Variants in NTM observed in about 807,000 individuals in gnomAD.
NTM encodes neurotrimin.
Under a neutral mutation model 42.1 loss-of-function variants are expected in NTM, and 13 were observed. The ratio of observed to expected loss-of-function variants is 0.31; its 90% CI spans 0.20 to 0.49. The LOEUF (loss-of-function observed/expected upper bound fraction) is 0.49. Among genes scored for constraint, NTM ranks in the 20% least tolerant of loss-of-function variants. The pLI is 0.99. For synonymous variants in NTM, 187 were observed against 179.2 expected (o/e 1.04, Z -0.35); for missense variants, 373 against 452.8 (o/e 0.82, Z 1.60).
At chr11:132,091,707 C>T (rs1277961936) in intron 2 of NTM, among the ~76,000 whole-genome samples, 1 of 152,076 alleles carries the variant, frequency 6.6e-6, no homozygotes, top group Admixed American at 6.5e-5. Context: ...ATCTTGAACT[C>T]CTGGGCTCAA....
chr11:131,839,417 G>A (rs1333106227), intron 1 of NTM, among the ~76,000 whole-genome samples: 1 of 152,186 alleles, frequency 6.6e-6, no homozygotes, highest in Non-Finnish European at 1.5e-5. Flanking sequence ...TGAAGGAGAT[G>A]AGGAAATGAG....
At chr11:131,718,255 A>G (rs935789593) in intron 1 of NTM, among the ~76,000 whole-genome samples, 1 of 151,980 alleles carries the variant, frequency 6.6e-6, no homozygotes, top group African/African-American at 2.4e-5. Flanking sequence ...TTCCTCTTCA[A>G]TTTTCTTGAA....
intron 2 of NTM, among the ~76,000 whole-genome samples, chr11:131,955,666 C>T (rs2061482072): frequency 6.6e-6 from 1 of 152,118 alleles, no homozygotes. Flanking sequence ...GGCACCAAGA[C>T]CTGGAAGGAC....
At chr11:132,221,395 G>A (rs1183947340) in intron 4 of NTM, among the ~76,000 whole-genome samples, 1 of 152,160 alleles carries the variant, frequency 6.6e-6, no homozygotes, top group African/African-American at 2.4e-5. Flanking sequence ...ATTTGAATGA[G>A]GCTTAGGGAG....
chr11:132,025,019 C>A (rs1250074582), intron 2 of NTM, among the ~76,000 whole-genome samples: 1 of 152,204 alleles, frequency 6.6e-6, no homozygotes, highest in Non-Finnish European at 1.5e-5. Flanking sequence ...CAGAATGTCT[C>A]TCCACTGACT....
intron 1 of NTM, among the ~76,000 whole-genome samples, chr11:131,879,767 T>C (rs2049176995): frequency 6.6e-6 from 1 of 152,198 alleles, no homozygotes; most frequent in Admixed American, 6.5e-5. Flanking sequence ...GCTCAAGCTG[T>C]GGCTCTTCTC....
chr11:131,914,870 A>C (rs1257835154), intron 2 of NTM, among the ~76,000 whole-genome samples: 1 of 152,200 alleles, frequency 6.6e-6, no homozygotes, highest in Non-Finnish European at 1.5e-5. Context: ...CTCACCTATC[A>C]TTCAGCCTCA....
At chr11:131,372,679 G>A (rs1361292904) in intron 1 of NTM, among the ~76,000 whole-genome samples, 1 of 152,052 alleles carries the variant, frequency 6.6e-6, no homozygotes, top group Non-Finnish European at 1.5e-5. Context: ...TGTCTCTTCT[G>A]CCTGTAACAT....
intron 1 of NTM, among the ~76,000 whole-genome samples, chr11:131,439,102 G>T (rs532806214): frequency 6.6e-6 from 1 of 152,156 alleles, no homozygotes; most frequent in Non-Finnish European, 1.5e-5. Context: ...CTTTTCCTGG[G>T]TATCACCAGC....
chr11:131,446,603 C>G (rs1950076782), intron 1 of NTM, among the ~76,000 whole-genome samples: 1 of 152,326 alleles, frequency 6.6e-6, no homozygotes, highest in East Asian at 1.9e-4. Flanking sequence ...CTTTGAAATC[C>G]AGAGCTTCCT....
chr11:132,046,553 T>C (rs2078027690), intron 2 of NTM, among the ~76,000 whole-genome samples: 1 of 152,302 alleles, frequency 6.6e-6, no homozygotes, highest in Non-Finnish European at 1.5e-5. Flanking sequence ...ATGCCATTAA[T>C]AAAAAATTAA....
chr11:131,934,927 G>A (rs1034770832), intron 2 of NTM, among the ~76,000 whole-genome samples: 4 of 152,178 alleles, frequency 2.6e-5, no homozygotes, highest in Non-Finnish European at 4.4e-5. Context: ...GTTTCCAATG[G>A]AGCAGTGACA....
At chr11:132,025,167 T>C (rs1180253960) in intron 2 of NTM, among the ~76,000 whole-genome samples, 1 of 152,208 alleles carries the variant, frequency 6.6e-6, no homozygotes, top group Admixed American at 6.5e-5. Flanking sequence ...AGATGTTTCA[T>C]GTCCAGGCCT....
At chr11:132,045,737 T>C (rs2077893665) in intron 2 of NTM, among the ~76,000 whole-genome samples, 2 of 152,164 alleles carry the variant, frequency 1.3e-5, no homozygotes, top group African/African-American at 4.8e-5. Context: ...TTTTCCTTTC[T>C]GGACTCTTCC....
chr11:131,531,672 A>G (rs1236848909), intron 1 of NTM, among the ~76,000 whole-genome samples: 1 of 152,182 alleles, frequency 6.6e-6, no homozygotes, highest in African/African-American at 2.4e-5. Flanking sequence ...TATTTATCGA[A>G]TTTCTACTAT....
chr11:131,848,517 A>G (rs1398299622), intron 1 of NTM, among the ~76,000 whole-genome samples: 9 of 152,166 alleles, frequency 5.9e-5, no homozygotes, highest in African/African-American at 1.9e-4. Context: ...ATTACAGAGA[A>G]CTCATCCCTC....
intron 2 of NTM, among the ~76,000 whole-genome samples, chr11:132,051,670 C>T (rs1473834465): frequency 6.6e-6 from 1 of 152,198 alleles, no homozygotes; most frequent in Non-Finnish European, 1.5e-5. Context: ...GAGCCCCCTC[C>T]TCCCCAGGAG....
chr11:131,478,640 TAATC>T (rs1953216167), intron 1 of NTM, among the ~76,000 whole-genome samples: 1 of 152,220 alleles, frequency 6.6e-6, no homozygotes, highest in South Asian at 2.1e-4. Flanking sequence ...AGCACATTCA[TAATC>T]AGAGACTCTG....
chr11:131,796,128 T>G, intron 1 of NTM: 2 of 985,260 alleles, frequency 2.0e-6, no homozygotes, highest in Non-Finnish European at 2.4e-6. Flanking sequence ...CCACAGGAAG[T>G]TGAAGGACTG....
Sources: allele counts gnomAD v4.1 joint callset (sites outside exome capture counted in the v4.1 genomes callset), GRCh38; gene constraint gnomAD v4.1.1; transcripts MANE v1.5; gene names NCBI Gene and HGNC (gene_info 2026-07-23, HGNC 2026-07-21).